MGAT4C: variants seen among roughly 807,000 people sequenced by gnomAD.
MGAT4C encodes alpha-1,3-mannosyl-glycoprotein 4-beta-N-acetylglucosaminyltransferase C.
MGAT4C carries 19 observed loss-of-function variants against 40.1 expected under a neutral mutation model. That is an observed-to-expected ratio of 0.47 (90% CI 0.33 to 0.70). The LOEUF is 0.70. MGAT4C is among the 30% of genes least tolerant of loss of function. The pLI is 0.02. For missense variants in MGAT4C, 491 were observed against 563.2 expected, an observed-to-expected ratio of 0.87 and a Z score of 1.30; for synonymous variants, 181 against 187.1, an observed-to-expected ratio of 0.97 and a Z score of 0.27.
intron 2 of MGAT4C, among the ~76,000 whole-genome samples, chr12:86,630,931 G>A (rs1376360184): frequency 6.6e-6 from 1 of 152,112 alleles, no homozygotes; most frequent in Non-Finnish European, 1.5e-5. Context: ...AAGAAATAAA[G>A]CGTATTCAAT....
intron 2 of MGAT4C, among the ~76,000 whole-genome samples, chr12:86,484,035 A>C (rs1957978751): frequency 1.3e-5 from 2 of 151,970 alleles, no homozygotes. Flanking sequence ...TCCAGTCCAG[A>C]TCAGCTTCTA....
At chr12:86,132,209 T>C (rs1158507320) in intron 1 of MGAT4C, among the ~76,000 whole-genome samples, 1 of 152,210 alleles carries the variant, frequency 6.6e-6, no homozygotes, top group Non-Finnish European at 1.5e-5. Context: ...TCTGATTATC[T>C]GTCTGAAACA....
At chr12:86,748,538 T>C (rs527332092) in intron 1 of MGAT4C, among the ~76,000 whole-genome samples, 6 of 151,774 alleles carry the variant, frequency 4.0e-5, no homozygotes, top group African/African-American at 1.4e-4. Flanking sequence ...GAGCCATGTA[T>C]AAGAAGAGGA....
At chr12:86,690,198 A>C (rs1950150617) in intron 2 of MGAT4C, among the ~76,000 whole-genome samples, 1 of 152,140 alleles carries the variant, frequency 6.6e-6, no homozygotes, top group Non-Finnish European at 1.5e-5. Context: ...TCGACTTCAG[A>C]CTGCTGTGCT....
intron 3 of MGAT4C, among the ~76,000 whole-genome samples, chr12:86,347,424 T>C (rs1053445511): frequency 5.3e-5 from 8 of 152,154 alleles, no homozygotes; most frequent in Non-Finnish European, 7.3e-5. Context: ...TCGTGACTTA[T>C]AGAGAAATAT....
chr12:86,677,536 T>C (rs1949889506), intron 2 of MGAT4C, among the ~76,000 whole-genome samples: 1 of 152,134 alleles, frequency 6.6e-6, no homozygotes, highest in Non-Finnish European at 1.5e-5. Flanking sequence ...ATGTAAGCAT[T>C]TGGAAACAGA....
intron 2 of MGAT4C, among the ~76,000 whole-genome samples, chr12:86,499,221 T>G (rs1018440752): frequency 1.9e-4 from 29 of 151,814 alleles, no homozygotes; most frequent in African/African-American, 6.8e-4. Flanking sequence ...AGGTGGATTT[T>G]GGACTGTACA....
At chr12:86,144,370 C>G (rs1883240189) in intron 1 of MGAT4C, among the ~76,000 whole-genome samples, 1 of 152,054 alleles carries the variant, frequency 6.6e-6, no homozygotes, top group African/African-American at 2.4e-5. Context: ...AACTACATTG[C>G]TAGTTATACC....
At chr12:86,572,736 T>A (rs1406557061) in intron 2 of MGAT4C, among the ~76,000 whole-genome samples, 1 of 152,100 alleles carries the variant, frequency 6.6e-6, no homozygotes, top group African/African-American at 2.4e-5. Flanking sequence ...CTGCCCACTC[T>A]GTTACATCAA....
chr12:86,552,720 G>GA (rs1959427048), intron 2 of MGAT4C, among the ~76,000 whole-genome samples: 1 of 151,946 alleles, frequency 6.6e-6, no homozygotes, highest in African/African-American at 2.4e-5. Context: ...TAGAGAATGT[G>GA]AAAAAATAAA....
intron 2 of MGAT4C, among the ~76,000 whole-genome samples, chr12:86,680,958 A>G (rs1046583098): frequency 4.6e-5 from 7 of 151,994 alleles, no homozygotes; most frequent in Admixed American, 2.0e-4. Flanking sequence ...CTGGTATGTG[A>G]TACATCATGC....
At chr12:86,462,242 T>A (rs1957612972) in intron 2 of MGAT4C, among the ~76,000 whole-genome samples, 2 of 152,236 alleles carry the variant, frequency 1.3e-5, no homozygotes, top group Non-Finnish European at 2.9e-5. Context: ...TTAGGAAATT[T>A]CCTGTTAGGA....
Position 86,060,983 on chromosome 12 carries a change from A to G in MGAT4C, c.-56-11260T>C, listed in dbSNP as rs181533763. Among the ~76,000 whole-genome samples the G allele has an allele frequency of 7.2e-5, 11 of 152,250 alleles. No individual in the cohort carries two copies. The East Asian group carries it at 9.7e-4, about 13-fold the overall frequency. On this transcript the variant is annotated intron_variant, in intron 1 of 4. Transcript: ENST00000611864. Reference sequence around the variant, plus strand: ...ATTTCACCCAGTTTTTTCATCCCCAATATGGGCTTTCAACTTGGTGACAGA... The same window carrying G: ...ATTTCACCCAGTTTTTTCATCCCCAGTATGGGCTTTCAACTTGGTGACAGA...
intron 1 of MGAT4C, among the ~76,000 whole-genome samples, chr12:86,150,826 C>A (rs1399386426): frequency 6.6e-6 from 1 of 152,162 alleles, no homozygotes; most frequent in Non-Finnish European, 1.5e-5. Flanking sequence ...ACAGAAGTCA[C>A]CCCAGGGGTC....
chr12:86,154,206 C>A (rs527420670), intron 1 of MGAT4C, among the ~76,000 whole-genome samples: 1 of 152,098 alleles, frequency 6.6e-6, no homozygotes, highest in Non-Finnish European at 1.5e-5. Context: ...GTTCTCCCCC[C>A]ACCATTTCTT....
chr12:86,292,626 TTTAAA>T lies in MGAT4C; in HGVS notation c.-57+41434_-57+41438del, dbSNP rs1475031175. 1.2e-4 allele frequency among the ~76,000 whole-genome samples: 18 copies of T among 152,264 alleles called. No homozygotes were observed. In the South Asian group the frequency reaches 1.9e-3, roughly 16 times the overall value. On this transcript the variant is annotated intron_variant, in intron 4 of 7. Transcript: ENST00000548651. ...GAGCTGTCATAGGTAATGTGATGTCTTTAAATTAATAACAGTTTACATCACCCATA... is the reference window on the plus strand; with the variant it reads ...GAGCTGTCATAGGTAATGTGATGTCTTTAATAACAGTTTACATCACCCATA...
intron 2 of MGAT4C, among the ~76,000 whole-genome samples, chr12:86,626,424 C>T (rs1962806086): frequency 6.6e-6 from 1 of 152,250 alleles, no homozygotes; most frequent in East Asian, 1.9e-4. Flanking sequence ...TTTTTACTCT[C>T]TCCAAATCAG....
At chr12:85,994,131 C>T (rs974704737) in intron 2 of MGAT4C, among the ~76,000 whole-genome samples, 7 of 152,180 alleles carry the variant, frequency 4.6e-5, no homozygotes, top group African/African-American at 1.4e-4. Context: ...CCACTGCTAC[C>T]ATTAGTTCTG....
chr12:85,998,639 A>G (rs1435129639), intron 2 of MGAT4C, among the ~76,000 whole-genome samples: 1 of 152,198 alleles, frequency 6.6e-6, no homozygotes, highest in East Asian at 1.9e-4. Flanking sequence ...AAATGCTGCC[A>G]GTCTCTTTCC....
Sources: allele counts gnomAD v4.1 joint callset (sites outside exome capture counted in the v4.1 genomes callset), GRCh38; gene constraint gnomAD v4.1.1; transcripts MANE v1.5; gene names NCBI Gene and HGNC (gene_info 2026-07-23, HGNC 2026-07-21).